The following PDLIM3 variants were observed in gnomAD, a reference collection of about 807,000 sequenced individuals.
PDLIM3 encodes PDZ and LIM domain protein 3.
A neutral mutation model predicts 37.3 loss-of-function variants in PDLIM3; 36 were observed. That is an observed-to-expected ratio of 0.97 (90% CI 0.74 to 1.28). The LOEUF is 1.28. Ranked by LOEUF, PDLIM3 falls within the 50% of genes most tolerant of loss-of-function variation. The pLI is 0.00. For missense variants in PDLIM3, 454 were observed against 485.0 expected (o/e 0.94, Z 0.60); for synonymous variants, 174 against 182.4 (o/e 0.95, Z 0.37).
At position 185,502,266 on chromosome 4, in the gene PDLIM3, C is replaced by A. The variant is rs761449278; in HGVS notation, c.*28G>T. 6.3e-7 allele frequency: 1 copy of A among 1,591,030 alleles called. No individual in the cohort carries two copies. The highest frequency in any genetic ancestry group is 1.7e-5 in the Admixed American group (1 of 59,920). ...TCGTGTAAGTGCGCGTGGGTGGGTG[C>A]GTGCGTGCGTGCCACGCCTGCAGAG... On this transcript the variant is annotated 3_prime_UTR_variant, in exon 8 of 8. Coordinates refer to ENST00000284767, the MANE Select transcript of PDLIM3 (RefSeq NM_014476.6).
intron 5 of PDLIM3, chr4:185,507,038 A>G (rs1475790020): frequency 2.2e-5 from 4 of 183,678 alleles, no homozygotes; most frequent in Non-Finnish European, 4.7e-5. Flanking sequence ...CAGAAAGTGC[A>G]GCAGTGAGCA....
In PDLIM3 at chr4:185,504,024, C is replaced by T. The variant is rs1197800732; in HGVS notation, c.905+451G>A. On this transcript the variant is annotated intron_variant, in intron 7 of 7. Coordinates refer to ENST00000284767, the MANE Select transcript of PDLIM3 (RefSeq NM_014476.6). This position sits in a 1 kb window ranked among gnomAD's most constrained non-coding sequence, Gnocchi z 4.7. ...TGTTTCAACATTTGTGTAACTTACA[C>T]TGGGTAAGGATAATGTATTTTAAGT... Among the ~76,000 whole-genome samples, 2 of 143,664 alleles carry T rather than the reference C, an allele frequency of 1.4e-5. No homozygotes were observed. Among genetic ancestry groups the T allele is most frequent in the East Asian group, 4.1e-4 (2 of 4,836 alleles). 94.2% of individuals were successfully genotyped at this position (143,664 alleles called of 152,430 possible).
intron 1 of PDLIM3, among the ~76,000 whole-genome samples, chr4:185,526,022 T>C (rs191933025): frequency 6.0e-4 from 92 of 152,308 alleles, no homozygotes; most frequent in Middle Eastern, 6.8e-3. Context: ...TCTTGAACCC[T>C]TCAGAGAGCT....
At chr4:185,520,085 C>G (rs1416360391) in intron 3 of PDLIM3, among the ~76,000 whole-genome samples, 1 of 152,232 alleles carries the variant, frequency 6.6e-6, no homozygotes, top group East Asian at 1.9e-4. Context: ...TCTCAGTCCA[C>G]AAGTGAAACT....
rs765915778 is a variant in PDLIM3, at chr4:185,506,611, C to T, written c.704G>A (p.Arg235Gln). ...CTCATTCCGATTGTCGTGGAGCATC[C>T]GGTACACGTCCGACTCGGGGGGCAC... The part of the protein sequence containing the change: ...ASVPPESDVY[R>Q]MLHDNRNEPT... Residue 235 changes from arginine to glutamine, a missense_variant, in exon 6 of 8, where the codon CGG (arginine) becomes CAG (glutamine). By Grantham distance (43) the Arg-to-Gln change is conservative (BLOSUM62 1). Coordinates refer to ENST00000284767, the MANE Select transcript of PDLIM3 (RefSeq NM_014476.6). The T allele has an allele frequency of 2.6e-5, 42 of 1,610,348 alleles. No homozygotes were observed. Among genetic ancestry groups the T allele is most frequent in the Middle Eastern group, 1.6e-4 (1 of 6,084 alleles).
Position 185,504,565 on chromosome 4 carries a change from C to T in PDLIM3, c.815G>A (p.Arg272Gln), listed in dbSNP as rs767518283. The change falls in exon 7 of 8, where the codon CGG (arginine) becomes CAG (glutamine). Residue 272 changes from arginine to glutamine, a missense_variant. Coordinates refer to ENST00000284767, the MANE Select transcript of PDLIM3 (RefSeq NM_014476.6). The surrounding 1 kb of genome is among the most constrained non-coding windows in gnomAD (Gnocchi z 4.7). Reference protein sequence around the residue: ...DGSDDRPAGTRSVRAPVTKVH... With the variant: ...DGSDDRPAGTQSVRAPVTKVH... ...TTTCGTCACCGGAGCTCTCACACTC[C>T]GCGTTCCAGCCGGACGGTCATCTGA... 6.2e-6 allele frequency: 10 copies of T among 1,613,976 alleles called. No homozygotes were observed. The highest frequency in any genetic ancestry group is 3.3e-5 in the South Asian group (3 of 91,070).
intron 1 of PDLIM3, among the ~76,000 whole-genome samples, chr4:185,531,933 A>AG (rs2095745153): frequency 1.3e-5 from 2 of 149,768 alleles, no homozygotes; most frequent in Non-Finnish European, 3.0e-5. Flanking sequence ...TACTAAAAAA[A>AG]AAAAAAAAAA....
chr4:185,511,810 A>G (rs941700707), intron 4 of PDLIM3, among the ~76,000 whole-genome samples: 3 of 152,204 alleles, frequency 2.0e-5, no homozygotes, highest in Non-Finnish European at 2.9e-5. Flanking sequence ...TTACTGCTCG[A>G]GGTGATGGAT....
chr4:185,534,464 T>C (rs1033767843), intron 1 of PDLIM3, among the ~76,000 whole-genome samples: 2 of 152,204 alleles, frequency 1.3e-5, no homozygotes, highest in Non-Finnish European at 2.9e-5. Flanking sequence ...AAGAAAAACA[T>C]TGTGTTAGAA....
At chr4:185,523,947 G>T (rs1049728254) in intron 2 of PDLIM3, among the ~76,000 whole-genome samples, 1 of 151,234 alleles carries the variant, frequency 6.6e-6, no homozygotes, top group Admixed American at 6.6e-5. Context: ...GTCCTTTTGG[G>T]TATGGCAGAC....
chr4:185,514,327 T>C lies in PDLIM3; in HGVS notation c.341A>G (p.Tyr114Cys). Reference sequence around the variant, plus strand: ...CCGAATATTATGCTTGTGTTCAAAGTAGTTCCCGTCCTGTGAAAACAAAGC... The same window carrying C: ...CCGAATATTATGCTTGTGTTCAAAGCAGTTCCCGTCCTGTGAAAACAAAGC... Reference protein sequence around the residue: ...NLESEPQDGNYFEHKHNIRPK... With the variant: ...NLESEPQDGNCFEHKHNIRPK... The change falls in exon 4 of 8, where the codon TAC becomes TGC. Residue 114 changes from tyrosine to cysteine, a missense_variant. Physicochemically the swap from Tyr to Cys is radical, Grantham distance 194 (BLOSUM62 -2). Transcript: ENST00000284767. This position sits in a 1 kb window ranked among gnomAD's most constrained non-coding sequence, Gnocchi z 4.0. 2 of 1,614,202 alleles carry C rather than the reference T, an allele frequency of 1.2e-6. No individual in the cohort carries two copies. Among genetic ancestry groups the C allele is most frequent in the Non-Finnish European group, 1.7e-6 (2 of 1,180,034 alleles).
Position 185,508,292 on chromosome 4 carries a change from A to C in PDLIM3, c.662+7T>G. 1.2e-6 allele frequency: 2 copies of C among 1,613,814 alleles called. No individual in the cohort carries two copies. Among genetic ancestry groups the C allele is most frequent in the Non-Finnish European group, 1.7e-6 (2 of 1,179,690 alleles). On this transcript the variant is annotated splice_region_variant and intron_variant, in intron 5 of 7. Coordinates refer to ENST00000284767, the MANE Select transcript of PDLIM3 (RefSeq NM_014476.6). ...ATATGCCCATGGTTCAAAGAGACTC[A>C]TATTACCTCATCAAAGGTGTTTCCC...
At chr4:185,507,383 CTA>C (rs778669164) in intron 5 of PDLIM3, among the ~76,000 whole-genome samples, 7 of 152,214 alleles carry the variant, frequency 4.6e-5, no homozygotes, top group African/African-American at 1.4e-4. Flanking sequence ...TTTCATAATA[CTA>C]TATGTTAAGC....
At chr4:185,513,762 C>T in intron 4 of PDLIM3, 3 of 1,030,028 alleles carry the variant, frequency 2.9e-6, no homozygotes, top group Non-Finnish European at 3.5e-6. Context: ...TTTCTTTCCC[C>T]TTAGGTTGGA....
At chr4:185,531,616 C>G (rs1214782007) in intron 1 of PDLIM3, among the ~76,000 whole-genome samples, 1 of 152,138 alleles carries the variant, frequency 6.6e-6, no homozygotes, top group Admixed American at 6.5e-5. Flanking sequence ...GCCCCATTGT[C>G]TAGCAGTATT....
At chr4:185,512,476 T>C (rs1400195491) in intron 4 of PDLIM3, 3 of 158,732 alleles carry the variant, frequency 1.9e-5, no homozygotes, top group African/African-American at 7.2e-5. Context: ...TCAGCTACAT[T>C]AAAAGGTGTG....
intron 1 of PDLIM3, among the ~76,000 whole-genome samples, chr4:185,531,102 T>C (rs766775558): frequency 2.0e-5 from 3 of 152,040 alleles, no homozygotes; most frequent in Non-Finnish European, 4.4e-5. Flanking sequence ...TGAGAGGGGA[T>C]TACTATATTC....
intron 1 of PDLIM3, among the ~76,000 whole-genome samples, chr4:185,525,634 C>G (rs1352409016): frequency 1.3e-5 from 2 of 152,064 alleles, no homozygotes; most frequent in Non-Finnish European, 2.9e-5. Context: ...CTTTTTATCT[C>G]CCCCCAAAAC....
At chr4:185,512,615 TGTTATAGGTTTTTA>T (rs2095708380) in intron 4 of PDLIM3, 19 of 945,226 alleles carry the variant, frequency 2.0e-5, no homozygotes, top group Non-Finnish European at 2.4e-5. Flanking sequence ...TAAAATTAAA[TGTTATAGGTTTTTA>T]GTAAAGGCAG....
Sources: gnomAD v4.1 joint callset for allele counts (sites outside exome capture counted in the v4.1 genomes callset) on GRCh38, gnomAD v4.1.1 for gene constraint, Gnocchi (gnomAD v3.1) non-coding constraint, MANE v1.5 for transcripts, NCBI Gene and HGNC (gene_info 2026-07-23, HGNC 2026-07-21) for gene names.